Variants in OR1S1 observed in about 807,000 individuals in gnomAD.
The protein encoded by OR1S1 is olfactory receptor family 1 subfamily S member 1.
For missense variants in OR1S1, 411 were observed against 367.5 expected, an observed-to-expected ratio of 1.12 and a Z score of -0.97; for synonymous variants, 156 against 143.9, an observed-to-expected ratio of 1.08 and a Z score of -0.60.
intron 1 of OR1S1, among the ~76,000 whole-genome samples, chr11:58,213,729 G>T (rs1854982487): frequency 6.6e-6 from 1 of 152,182 alleles, no homozygotes; most frequent in South Asian, 2.1e-4. Context: ...TATGTGGCAG[G>T]CCTGGTGTCT....
chr11:58,215,061 C>G, exon 2 of OR1S1: 4 of 1,614,200 alleles, frequency 2.5e-6, no homozygotes, highest in Non-Finnish European at 3.4e-6. Flanking sequence ...CAATCCATCT[C>G]TTATGAGAGC....
exon 2 of OR1S1, chr11:58,215,230 G>C (rs140821078): frequency 6.2e-7 from 1 of 1,614,012 alleles, no homozygotes; most frequent in Non-Finnish European, 8.5e-7. Flanking sequence ...TCATCTCATG[G>C]TTCCTCAGTA....
exon 2 of OR1S1, chr11:58,215,465 G>A (rs1191775111): frequency 6.2e-7 from 1 of 1,614,132 alleles, no homozygotes; most frequent in Non-Finnish European, 8.5e-7. Context: ...TGTCCTGAGA[G>A]TATCTTCCAC....
At chr11:58,215,565 T>A in exon 2 of OR1S1, 1 of 1,614,084 alleles carries the variant, frequency 6.2e-7, no homozygotes, top group South Asian at 1.1e-5. Flanking sequence ...GTGTACTTTT[T>A]CCCCTCCTCC....
intron 1 of OR1S1, among the ~76,000 whole-genome samples, chr11:58,214,207 C>T (rs1316442369): frequency 6.6e-6 from 1 of 152,148 alleles, no homozygotes; most frequent in Non-Finnish European, 1.5e-5. Flanking sequence ...ACCCTGGTTG[C>T]TCCTTCTTGT....
rs140365237 is a variant in OR1S1, at chr11:58,214,941, C to A, written c.158C>A (p.Thr53Lys). Residue 53 changes from threonine to lysine, a missense_variant, in exon 2 of 2, where the codon ACG (threonine) becomes AAG (lysine). Physicochemically the swap from Thr to Lys is moderately conservative, Grantham distance 78. Coordinates refer to ENST00000641544, the Ensembl canonical transcript of OR1S1. The stretch of plus-strand genomic sequence containing the variant: ...ATCATTGTGGCTATCAGCTTGGATA[C>A]GTACCTTCATACCCCCATGTATCTC... The A allele has an allele frequency of 4.2e-5, 68 of 1,613,664 alleles. No individual in the cohort carries two copies. Among genetic ancestry groups the A allele is most frequent in the Admixed American group, 2.0e-4 (12 of 59,974 alleles).
rs752440143 is a variant in OR1S1, at chr11:58,215,725, C to T, written c.*3C>T. On this transcript the variant is annotated 3_prime_UTR_variant, in exon 2 of 2. Coordinates refer to ENST00000641544, the Ensembl canonical transcript of OR1S1. ...ATAGAAAAATTTCTTCCCTTTGATG[C>T]CCTGGACCTCTACATTCTTTTAGTC... The T allele has an allele frequency of 6.8e-6, 11 of 1,607,622 alleles. No homozygotes were observed. In the South Asian group the frequency reaches 1.2e-4, roughly 18 times the overall value.
chr11:58,214,155 T>C (rs956557579), intron 1 of OR1S1, among the ~76,000 whole-genome samples: 9 of 152,218 alleles, frequency 5.9e-5, no homozygotes, highest in Non-Finnish European at 1.3e-4. Flanking sequence ...GTGTGCCCCC[T>C]AAATTTTCTT....
chr11:58,214,327 T>A (rs1226605425), intron 1 of OR1S1, among the ~76,000 whole-genome samples: 1 of 152,202 alleles, frequency 6.6e-6, no homozygotes, highest in Non-Finnish European at 1.5e-5. Flanking sequence ...TCAGTTGTGT[T>A]TACTTCCCCA....
chr11:58,215,783 G>T, exon 2 of OR1S1: 2 of 1,547,102 alleles, frequency 1.3e-6, no homozygotes, highest in Non-Finnish European at 1.7e-6. Flanking sequence ...AGCCCAGAGC[G>T]TATGGCACAG....
chr11:58,215,130 G>C lies in OR1S1; in HGVS notation c.347G>C (p.Gly116Ala), dbSNP rs758072737. The change falls in exon 2 of 2, where the codon GGG becomes GCG. Residue 116 changes from glycine (G) to alanine (A), a missense_variant. Coordinates refer to ENST00000641544, the Ensembl canonical transcript of OR1S1. ...GTCGTCATTGACAATTTGCTCTTGGGGACCATGGCCTATGACCACTTTGTG... is the reference window on the plus strand; with the variant it reads ...GTCGTCATTGACAATTTGCTCTTGGCGACCATGGCCTATGACCACTTTGTG... 6.2e-7 allele frequency: 1 copy of C among 1,614,026 alleles called. No homozygotes were observed. Among genetic ancestry groups the C allele is most frequent in the East Asian group, 2.2e-5 (1 of 44,872 alleles).
At chr11:58,216,011 T>G (rs140869071) in exon 2 of OR1S1, 1 of 387,106 alleles carries the variant, frequency 2.6e-6, no homozygotes, top group Non-Finnish European at 4.7e-6. Flanking sequence ...TGTTGATTAA[T>G]GGGTACAACA....
In OR1S1 at chr11:58,214,745, A is replaced by T. The variant is rs764885592; in HGVS notation, c.-39A>T. On this transcript the variant is annotated 5_prime_UTR_variant, in exon 2 of 2. An upstream start codon of the reference 5' UTR is lost. Coordinates refer to ENST00000641544, the Ensembl canonical transcript of OR1S1. ...CCATGTTAGGTTTTCTTGTAGGAAT[A>T]TGAAGACTTTTAGTTCCTTTCTTCA... 3 of 1,612,576 alleles carry T rather than the reference A, an allele frequency of 1.9e-6. No individual in the cohort carries two copies. The East Asian group carries it at 6.7e-5, about 36-fold the overall frequency.
chr11:58,214,707 C>T, intron 1 of OR1S1, 22 bp from the exon 2 acceptor site: 1 of 1,587,808 alleles, frequency 6.3e-7, no homozygotes, highest in Non-Finnish European at 8.6e-7. Flanking sequence ...GCAATGGCTG[C>T]AGCCAAATGA....
chr11:58,213,934 G>A (rs548697972), intron 1 of OR1S1, among the ~76,000 whole-genome samples: 6 of 152,252 alleles, frequency 3.9e-5, no homozygotes, highest in Admixed American at 3.9e-4. Flanking sequence ...TCTCAACAAG[G>A]TGACTTGACT....
exon 2 of OR1S1, chr11:58,214,974 C>G: frequency 1.9e-6 from 3 of 1,614,126 alleles, no homozygotes; most frequent in Non-Finnish European, 2.5e-6. Flanking sequence ...CTCTTCCTTG[C>G]CAATCTATCC....
At chr11:58,213,339 G>A (rs918215902) in intron 1 of OR1S1, among the ~76,000 whole-genome samples, 21 of 152,160 alleles carry the variant, frequency 1.4e-4, no homozygotes, top group East Asian at 5.8e-4. Flanking sequence ...TGTGAGAGCC[G>A]TTTACCTTTC....
intron 1 of OR1S1, among the ~76,000 whole-genome samples, chr11:58,213,336 G>A (rs1331672922): frequency 6.6e-6 from 1 of 152,194 alleles, no homozygotes; most frequent in East Asian, 1.9e-4. Flanking sequence ...CCTTGTGAGA[G>A]CCGTTTACCT....
intron 1 of OR1S1, among the ~76,000 whole-genome samples, chr11:58,213,957 T>G (rs1247361409): frequency 6.6e-6 from 1 of 152,252 alleles, no homozygotes; most frequent in Non-Finnish European, 1.5e-5. Flanking sequence ...AATGACCTCC[T>G]ATAGCATCAC....
Sources: gnomAD v4.1 joint callset for allele counts (sites outside exome capture counted in the v4.1 genomes callset) on GRCh38, gnomAD v4.1.1 for gene constraint, MANE v1.5 for transcripts, NCBI Gene and HGNC (gene_info 2026-07-23, HGNC 2026-07-21) for gene names.